Variants in SPTBN5 observed in about 807,000 individuals in gnomAD.
The protein encoded by SPTBN5 is spectrin beta, non-erythrocytic 5, also known as spectrin beta chain, non-erythrocytic 5.
Under a neutral mutation model 477.6 loss-of-function variants are expected in SPTBN5, and 513 were observed. The ratio of observed to expected loss-of-function variants is 1.07; its 90% CI spans 1.00 to 1.16. SPTBN5 has a LOEUF of 1.16. Among genes scored for constraint, SPTBN5 ranks in the 50% most tolerant of loss-of-function variants. The probability of loss-of-function intolerance (pLI) is 0.00; values close to 1 mark genes in which losing one functional copy is unlikely to be tolerated. For synonymous variants in SPTBN5, 2,169 were observed against 2,011.7 expected, an observed-to-expected ratio of 1.08 and a Z score of -2.09; for missense variants, 5,062 against 4,731.8, an observed-to-expected ratio of 1.07 and a Z score of -2.05.
At chr15:41,869,514 T>C (rs2066457884) in intron 32 of SPTBN5, among the ~76,000 whole-genome samples, 1 of 152,248 alleles carries the variant, frequency 6.6e-6, no homozygotes, top group Non-Finnish European at 1.5e-5. Context: ...AAATAGATAC[T>C]GACTGATCCA....
At chr15:41,884,555 C>A (rs889308650) in intron 7 of SPTBN5, among the ~76,000 whole-genome samples, 1 of 152,196 alleles carries the variant, frequency 6.6e-6, no homozygotes, top group Non-Finnish European at 1.5e-5. Context: ...ACTGCAATAG[C>A]TTTGTAACTG....
In SPTBN5 at chr15:41,870,965, G is replaced by A. The variant is rs78066720; in HGVS notation, c.5448-405C>T. Among the ~76,000 whole-genome samples, 1,349 of 152,360 alleles carry A rather than the reference G, an allele frequency of 8.9e-3. 19 individuals carry two copies. The highest frequency in any genetic ancestry group is 0.031 in the African/African-American group (1,292 of 41,586). On this transcript the variant is annotated intron_variant, in intron 29 of 67. Coordinates refer to ENST00000320955, the MANE Select transcript of SPTBN5 (RefSeq NM_016642.4). ...TCTGCCAGGCCAGGCTCTGGGCTAG[G>A]GGTTATGAGCAAGTCATGACCTTGC...
At chr15:41,879,542 C>A (rs1337532687) in intron 15 of SPTBN5, 43 bp from the exon 16 acceptor site, 2 of 1,520,790 alleles carry the variant, frequency 1.3e-6, no homozygotes, top group Admixed American at 4.0e-5. Context: ...AGGGACACCT[C>A]CCCATCCATC....
Position 41,851,786 on chromosome 15 carries a change from C to T in SPTBN5, c.10649G>A (p.Gly3550Glu). The change falls in exon 63 of 68, where the codon GGG (glycine) becomes GAG (glutamate). Residue 3550 changes from glycine to glutamate, a missense_variant. Transcript: ENST00000320955. ...LEFKQHLLPG[G>E]RQPSSSSWDS... ...GAATCTCCAGGCACTCACCTGCCTC[C>T]CGCCAGGCAGCAGGTGCTGCTTGAA... The T allele has an allele frequency of 6.2e-7, 1 of 1,609,920 alleles. No homozygotes were observed. Among genetic ancestry groups the T allele is most frequent in the Non-Finnish European group, 8.5e-7 (1 of 1,178,964 alleles).
rs2065740466 is a variant in SPTBN5, at chr15:41,851,049, C to G, written c.10835+10G>C. 6.2e-7 allele frequency: 1 copy of G among 1,609,640 alleles called. No individual in the cohort carries two copies. Among genetic ancestry groups the G allele is most frequent in the Non-Finnish European group, 8.5e-7 (1 of 1,178,384 alleles). ...GGGGGTGATGCCGGAGTCCATGTCT[C>G]TCCGCTCACCTTAAGGAGAATGTGT... is the stretch of plus-strand genomic sequence containing the variant. On this transcript the variant is annotated intron_variant, in intron 65 of 67. Coordinates refer to ENST00000320955, the MANE Select transcript of SPTBN5 (RefSeq NM_016642.4).
chr15:41,850,833 C>T (rs887553679), intron 66 of SPTBN5, 21 bp downstream of exon 66: 1 of 1,575,202 alleles, frequency 6.3e-7, no homozygotes, highest in Non-Finnish European at 8.6e-7. Flanking sequence ...GCCCTCCCCG[C>T]ATCCTTCCCC....
intron 41 of SPTBN5, among the ~76,000 whole-genome samples, chr15:41,863,304 G>C (rs1199238242): frequency 5.3e-5 from 8 of 152,220 alleles, no homozygotes; most frequent in Non-Finnish European, 7.3e-5. Context: ...TCCTAGACCG[G>C]GTTCTAACTC....
Position 41,857,636 on chromosome 15 carries a change from T to C in SPTBN5, c.8301A>G (p.Ala2767=). 1.2e-6 allele frequency: 2 copies of C among 1,600,018 alleles called. No individual in the cohort carries two copies. Among genetic ancestry groups the C allele is most frequent in the Admixed American group, 1.7e-5 (1 of 58,262 alleles). Reference sequence around the variant, plus strand: ...AGTTGTCTTGCAGCTCACCCCAGAGTGCTCCCAGCTCCTCCAGTCGCTCCT... The same window carrying C: ...AGTTGTCTTGCAGCTCACCCCAGAGCGCTCCCAGCTCCTCCAGTCGCTCCT... ...AIQERLEELG[A]LWGELQDNSQ... Residue 2767 remains alanine, a synonymous_variant, in exon 50 of 68, where the codon GCA becomes GCG. Coordinates refer to ENST00000320955, the MANE Select transcript of SPTBN5 (RefSeq NM_016642.4).
At position 41,873,835 on chromosome 15, in the gene SPTBN5, T is replaced by C. The variant is rs770986573; in HGVS notation, c.4890+10A>G. ...GCCTCTTCCCCCAACCCCACCTCTC[T>C]GCATCCTACCTGCTGGAAAGTGACA... On this transcript the variant is annotated intron_variant, in intron 25 of 67. Transcript: ENST00000320955. The C allele has an allele frequency of 6.2e-7, 1 of 1,609,162 alleles. No individual in the cohort carries two copies. The highest frequency in any genetic ancestry group is 8.5e-7 in the Non-Finnish European group (1 of 1,179,814).
At position 41,886,038 on chromosome 15, in the gene SPTBN5, G is replaced by C. The variant is rs760960840; in HGVS notation, c.1217C>G (p.Ala406Gly). The C allele has an allele frequency of 6.4e-7, 1 of 1,567,902 alleles. No individual in the cohort carries two copies. The highest frequency in any genetic ancestry group is 1.2e-5 in the South Asian group (1 of 86,152). Reference sequence around the variant, plus strand: ...CAGGGCCTGGCTCCTTGCAGCCTCTGCCCACTCCAGCCCTGCCCAGCACTG... The same window carrying C: ...CAGGGCCTGGCTCCTTGCAGCCTCTCCCCACTCCAGCCCTGCCCAGCACTG... ...LSQCWAGLEW[A>G]EAARSQALQQ... Residue 406 changes from alanine to glycine, a missense_variant, in exon 7 of 68, where the codon GCA becomes GGA. Physicochemically the swap from Ala to Gly is moderately conservative, Grantham distance 60. Transcript: ENST00000320955.
intron 34 of SPTBN5, 56 bp from the exon 35 acceptor site, chr15:41,867,698 AGCTGCAGTCTG>A (rs1458051566): frequency 6.5e-7 from 1 of 1,541,146 alleles, no homozygotes; most frequent in African/African-American, 1.4e-5. Flanking sequence ...CAGCCCCTCC[AGCTGCAGTCTG>A]TGCCCATGGG....
intron 7 of SPTBN5, among the ~76,000 whole-genome samples, chr15:41,884,926 C>G (rs907120228): frequency 6.6e-6 from 1 of 152,218 alleles, no homozygotes; most frequent in Non-Finnish European, 1.5e-5. Flanking sequence ...ATGGCCAGCT[C>G]GTCACTTCTT....
Position 41,856,845 on chromosome 15 carries a change from G to T in SPTBN5, c.8808+8C>A. ...TGCGAGGCCAGCCCTCCCCGGGTGG[G>T]CCCACACCTGGTGCTGCTCCTGCAG... On this transcript the variant is annotated splice_region_variant and intron_variant, in intron 52 of 67. Coordinates refer to ENST00000320955, the MANE Select transcript of SPTBN5 (RefSeq NM_016642.4). The T allele has an allele frequency of 1.9e-6, 3 of 1,541,922 alleles. No individual in the cohort carries two copies. The highest frequency in any genetic ancestry group is 2.6e-6 in the Non-Finnish European group (3 of 1,140,478).
At chr15:41,871,962 C>A (rs1411242713) in intron 27 of SPTBN5, 45 bp from the exon 28 acceptor site, 1 of 1,482,306 alleles carries the variant, frequency 6.7e-7, no homozygotes, top group East Asian at 2.5e-5. Flanking sequence ...TTGCCCACCC[C>A]CCTGGGGGCC....
intron 3 of SPTBN5, among the ~76,000 whole-genome samples, chr15:41,892,198 C>A (rs572985402): frequency 6.6e-6 from 1 of 152,174 alleles, no homozygotes; most frequent in Admixed American, 6.5e-5. Flanking sequence ...CAGGCTCCAT[C>A]CAGCCAGGCC....
chr15:41,851,582 G>GGC (rs1449514409), intron 63 of SPTBN5, among the ~76,000 whole-genome samples, 197 bp downstream of exon 63: 3 of 9,760 alleles, frequency 3.1e-4, no homozygotes, highest in Non-Finnish European at 1.1e-3. Context: ...AGCACCTCCT[G>GGC]GTGGGGGTGG....
rs1327343303 is a variant in SPTBN5 at position 41,887,258 on chromosome 15, G to A, written c.843C>T (p.Cys281=). The part of the protein sequence containing the change: ...MTYVSLYYHY[C]SRLHQGQTVQ... ...CAGTCTGCCCCTGATGCAGGCGGGA[G>A]CAGTAGTGGTAGTAGAGGGAGACGT... The change falls in exon 6 of 68, where the codon TGC becomes TGT. Residue 281 remains cysteine, a synonymous_variant. Transcript: ENST00000320955. The A allele has an allele frequency of 3.9e-6, 6 of 1,551,452 alleles. No individual in the cohort carries two copies. Among genetic ancestry groups the A allele is most frequent in the Non-Finnish European group, 3.5e-6 (4 of 1,146,996 alleles).
chr15:41,859,427 G>A (rs1002006854), intron 47 of SPTBN5, among the ~76,000 whole-genome samples: 1 of 152,158 alleles, frequency 6.6e-6, no homozygotes. Flanking sequence ...CCAAAGTGCT[G>A]GGTTTACAGG....
intron 55 of SPTBN5, 70 bp downstream of exon 55, chr15:41,855,154 C>G (rs1347239477): frequency 2.6e-6 from 4 of 1,529,154 alleles, no homozygotes; most frequent in Non-Finnish European, 3.5e-6. Context: ...CCCAGCAACC[C>G]TTTCATCCCA....
Sources: allele counts gnomAD v4.1 joint callset (sites outside exome capture counted in the v4.1 genomes callset), GRCh38; gene constraint gnomAD v4.1.1; transcripts MANE v1.5; gene names NCBI Gene and HGNC (gene_info 2026-07-23, HGNC 2026-07-21).